HCAR1: variants seen among roughly 807,000 people sequenced by gnomAD.
HCAR1 encodes the protein G protein-coupled receptor 104.
For missense variants in HCAR1, 445 were observed against 448.7 expected, an observed-to-expected ratio of 0.99 and a Z score of 0.07; for synonymous variants, 183 against 182.1, an observed-to-expected ratio of 1.01 and a Z score of -0.04.
chr12:122,727,832 T>C lies in HCAR1; in HGVS notation c.*1467A>G, dbSNP rs1032066584. 11 of 152,140 alleles carry C rather than the reference T, an allele frequency of 7.2e-5. No individual in the cohort carries two copies. Among genetic ancestry groups the C allele is most frequent in the Admixed American group, 3.3e-4 (5 of 15,276 alleles). 9.4% of individuals were successfully genotyped at this position (152,140 alleles called of 1,614,324 possible). A position where few individuals can be genotyped will look rare whatever the true frequency, so the allele number is the denominator to read the frequency against. On this transcript the variant is annotated 3_prime_UTR_variant, in exon 1 of 1. Transcript: ENST00000432564. ...ATTTGAGAGAGTATAAATTAAGGAG[T>C]TGAGAACCATGTTCACCACTTTGTA...
Position 122,730,427 on chromosome 12 carries a change from C to T in HCAR1, c.-88G>A. 1 of 1,047,346 alleles carries T rather than the reference C, an allele frequency of 9.5e-7. No individual in the cohort carries two copies. The highest frequency in any genetic ancestry group is 1.8e-5 in the South Asian group (1 of 56,024). The allele number at this position is 1,047,346 out of a possible 1,614,324, so 64.9% of individuals were successfully genotyped here. Reference sequence around the variant, plus strand: ...TGCTTATCTGAGCGTTAGCACTCACCCAGCTGCTGCGTGTCTGACTTCATC... The same window carrying T: ...TGCTTATCTGAGCGTTAGCACTCACTCAGCTGCTGCGTGTCTGACTTCATC... On this transcript the variant is annotated 5_prime_UTR_variant, in exon 1 of 1. Coordinates refer to ENST00000432564, the MANE Select transcript of HCAR1 (RefSeq NM_032554.4).
rs1877826676 is a variant in HCAR1, at chr12:122,727,589, T to C, written c.*1710A>G. On this transcript the variant is annotated 3_prime_UTR_variant, in exon 1 of 1. Coordinates refer to ENST00000432564, the MANE Select transcript of HCAR1 (RefSeq NM_032554.4). ...TTCAAGTGATTCTCCTGCCTCAGCC[T>C]CCCGAATAGCTGGGATTATAGGCAT... The C allele has an allele frequency of 6.6e-6, 1 of 152,052 alleles. No individual in the cohort carries two copies. Among genetic ancestry groups the C allele is most frequent in the African/African-American group, 2.4e-5 (1 of 41,388 alleles). 9.4% of individuals were successfully genotyped at this position (152,052 alleles called of 1,614,324 possible).
At position 122,730,144 on chromosome 12, in the gene HCAR1, T is replaced by A; in HGVS notation, c.196A>T (p.Ile66Phe). The A allele has an allele frequency of 6.2e-7, 1 of 1,614,038 alleles. No homozygotes were observed. The highest frequency in any genetic ancestry group is 8.5e-7 in the Non-Finnish European group (1 of 1,180,018). Residue 66 changes from isoleucine to phenylalanine, a missense_variant, in exon 1 of 1, where the codon ATC becomes TTC. Ile to Phe is a conservative substitution (Grantham distance 21, BLOSUM62 0). Coordinates refer to ENST00000432564, the MANE Select transcript of HCAR1 (RefSeq NM_032554.4). ...NLAVADFLLM[I>F]CLPFRTDYYL... ...TAGTCTGTCCGAAAAGGCAGGCAGA[T>A]CATAAGGAGGAAATCAGCCACGGCC...
At position 122,726,549 on chromosome 12, in the gene HCAR1, A is replaced by G. The variant is rs549132129; in HGVS notation, c.*2750T>C. On this transcript the variant is annotated 3_prime_UTR_variant, in exon 1 of 1. Coordinates refer to ENST00000432564, the MANE Select transcript of HCAR1 (RefSeq NM_032554.4). Reference sequence around the variant, plus strand: ...ACATTCATTTAAACTGCCCAATGACACACTGAGGTTGTATTACAGTATCCC... The same window carrying G: ...ACATTCATTTAAACTGCCCAATGACGCACTGAGGTTGTATTACAGTATCCC... The G allele has an allele frequency of 3.5e-4, 53 of 152,286 alleles. No homozygotes were observed. Among genetic ancestry groups the G allele is most frequent in the African/African-American group, 1.3e-3 (53 of 41,554 alleles). The allele number at this position is 152,286 out of a possible 1,614,324, so 9.4% of individuals were successfully genotyped here.
Position 122,730,202 on chromosome 12 carries a change from G to C in HCAR1, c.138C>G (p.Thr46=), listed in dbSNP as rs566634910. 9.3e-6 allele frequency: 15 copies of C among 1,614,202 alleles called. No homozygotes were observed. Among genetic ancestry groups the C allele is most frequent in the Middle Eastern group, 1.6e-4 (1 of 6,062 alleles). The part of the protein sequence containing the change: ...ALCGFCFHMK[T]WKPSTVYLFN... The stretch of plus-strand genomic sequence containing the variant: ...AAAGGTAAACAGTGCTGGGCTTCCA[G>C]GTCTTCATGTGGAAGCAGAAACCAC... The change falls in exon 1 of 1, where the codon ACC becomes ACG. Residue 46 remains threonine (T), a synonymous_variant. Coordinates refer to ENST00000432564, the MANE Select transcript of HCAR1 (RefSeq NM_032554.4).
In HCAR1 at chr12:122,726,678, C is replaced by A. The variant is rs1432754175; in HGVS notation, c.*2621G>T. 1 of 151,832 alleles carries A rather than the reference C, an allele frequency of 6.6e-6. No individual in the cohort carries two copies. Among genetic ancestry groups the A allele is most frequent in the Admixed American group, 6.6e-5 (1 of 15,228 alleles). 9.4% of individuals were successfully genotyped at this position (151,832 alleles called of 1,614,324 possible). ...CCTGTAATCCAAGCACTTTGGGAGG[C>A]CGAGGCAGGCGGATCACAAGTCAGG... On this transcript the variant is annotated 3_prime_UTR_variant, in exon 1 of 1. Coordinates refer to ENST00000432564, the MANE Select transcript of HCAR1 (RefSeq NM_032554.4).
chr12:122,730,209 A>G lies in HCAR1; in HGVS notation c.131T>C (p.Met44Thr). Residue 44 changes from methionine to threonine, a missense_variant, in exon 1 of 1, where the codon ATG becomes ACG. Physicochemically the swap from Met to Thr is moderately conservative, Grantham distance 81. Transcript: ENST00000432564. ...GVALCGFCFH[M>T]KTWKPSTVYL... ...AACAGTGCTGGGCTTCCAGGTCTTC[A>G]TGTGGAAGCAGAAACCACACAGGGC... 1 of 1,614,204 alleles carries G rather than the reference A, an allele frequency of 6.2e-7. No homozygotes were observed. Among genetic ancestry groups the G allele is most frequent in the Non-Finnish European group, 8.5e-7 (1 of 1,180,034 alleles).
chr12:122,726,544 A>G lies in HCAR1; in HGVS notation c.*2755T>C, dbSNP rs1344844569. On this transcript the variant is annotated 3_prime_UTR_variant, in exon 1 of 1. Transcript: ENST00000432564. ...AATGTACATTCATTTAAACTGCCCA[A>G]TGACACACTGAGGTTGTATTACAGT... is the stretch of plus-strand genomic sequence containing the variant. 2 of 152,184 alleles carry G rather than the reference A, an allele frequency of 1.3e-5. No homozygotes were observed. Among genetic ancestry groups the G allele is most frequent in the Non-Finnish European group, 2.9e-5 (2 of 68,030 alleles). The allele number at this position is 152,184 out of a possible 1,614,324, so 9.4% of individuals were successfully genotyped here. A position where few individuals can be genotyped will look rare whatever the true frequency, so the allele number is the denominator to read the frequency against.
In HCAR1 at chr12:122,729,207, A is replaced by C; in HGVS notation, c.*92T>G. 8.7e-7 allele frequency: 1 copy of C among 1,145,934 alleles called. No homozygotes were observed. Among genetic ancestry groups the C allele is most frequent in the Non-Finnish European group, 1.3e-6 (1 of 792,896 alleles). 71.0% of individuals were successfully genotyped at this position (1,145,934 alleles called of 1,614,324 possible). A position where few individuals can be genotyped will look rare whatever the true frequency, so the allele number is the denominator to read the frequency against. ...GCGAGAAGCCGTCTTGCAATAAGAA[A>C]GGGGGGTGGCATTTTCAAAGCCCCC... On this transcript the variant is annotated 3_prime_UTR_variant, in exon 1 of 1. Coordinates refer to ENST00000432564, the MANE Select transcript of HCAR1 (RefSeq NM_032554.4).
At position 122,726,854 on chromosome 12, in the gene HCAR1, A is replaced by G. The variant is rs10773516; in HGVS notation, c.*2445T>C. 37,842 of 150,070 alleles carry G rather than the reference A, an allele frequency of 0.25. 5,620 individuals are homozygous for G. Among genetic ancestry groups the G allele is most frequent in the Non-Finnish European group, 0.34 (22,843 of 67,722 alleles). The allele number at this position is 150,070 out of a possible 1,614,324, so 9.3% of individuals were successfully genotyped here. A position where few individuals can be genotyped will look rare whatever the true frequency, so the allele number is the denominator to read the frequency against. ...CGTGGACCCAGGAGGCAGAGCTTGC[A>G]GTGAGCTGAGATTGGGCCACTGTAC... On this transcript the variant is annotated 3_prime_UTR_variant, in exon 1 of 1. Coordinates refer to ENST00000432564, the MANE Select transcript of HCAR1 (RefSeq NM_032554.4).
At position 122,727,537 on chromosome 12, in the gene HCAR1, A is replaced by T. The variant is rs1877824743; in HGVS notation, c.*1762T>A. Reference sequence around the variant, plus strand: ...GTCTGGAGTGCAATGGCACGATGTCACCTCACCGCAACCTCCACCTCCTCG... The same window carrying T: ...GTCTGGAGTGCAATGGCACGATGTCTCCTCACCGCAACCTCCACCTCCTCG... On this transcript the variant is annotated 3_prime_UTR_variant, in exon 1 of 1. Coordinates refer to ENST00000432564, the MANE Select transcript of HCAR1 (RefSeq NM_032554.4). 1 of 151,206 alleles carries T rather than the reference A, an allele frequency of 6.6e-6. No homozygotes were observed. The highest frequency in any genetic ancestry group is 2.4e-5 in the African/African-American group (1 of 41,030). The allele number at this position is 151,206 out of a possible 1,614,324, so 9.4% of individuals were successfully genotyped here. A position where few individuals can be genotyped will look rare whatever the true frequency, so the allele number is the denominator to read the frequency against.
At position 122,730,369 on chromosome 12, in the gene HCAR1, G is replaced by A. The variant is rs752343254; in HGVS notation, c.-30C>T. ...GGGACAGAGCAAGTGTCCGGGTGCA[G>A]AGCAGCCCAGGGAGTCCCCACAATG... is the stretch of plus-strand genomic sequence containing the variant. On this transcript the variant is annotated 5_prime_UTR_variant, in exon 1 of 1. Coordinates refer to ENST00000432564, the MANE Select transcript of HCAR1 (RefSeq NM_032554.4). 27 of 1,519,032 alleles carry A rather than the reference G, an allele frequency of 1.8e-5. No homozygotes were observed. Among genetic ancestry groups the A allele is most frequent in the Non-Finnish European group, 2.4e-5 (27 of 1,129,686 alleles). 94.1% of individuals were successfully genotyped at this position (1,519,032 alleles called of 1,614,324 possible). A position where few individuals can be genotyped will look rare whatever the true frequency, so the allele number is the denominator to read the frequency against.
Position 122,730,368 on chromosome 12 carries a change from A to C in HCAR1, c.-29T>G. 2 of 1,519,182 alleles carry C rather than the reference A, an allele frequency of 1.3e-6. No homozygotes were observed. Among genetic ancestry groups the C allele is most frequent in the Non-Finnish European group, 1.8e-6 (2 of 1,129,638 alleles). The allele number at this position is 1,519,182 out of a possible 1,614,324, so 94.1% of individuals were successfully genotyped here. A position where few individuals can be genotyped will look rare whatever the true frequency, so the allele number is the denominator to read the frequency against. ...GGGGACAGAGCAAGTGTCCGGGTGCAGAGCAGCCCAGGGAGTCCCCACAAT... is the reference window on the plus strand; with the variant it reads ...GGGGACAGAGCAAGTGTCCGGGTGCCGAGCAGCCCAGGGAGTCCCCACAAT... On this transcript the variant is annotated 5_prime_UTR_variant, in exon 1 of 1. Coordinates refer to ENST00000432564, the MANE Select transcript of HCAR1 (RefSeq NM_032554.4).
In HCAR1 at chr12:122,729,472, T is replaced by G. The variant is rs1009767386; in HGVS notation, c.868A>C (p.Asn290His). ...FSSPSFPKFY[N>H]KLKICSLKPK... The stretch of plus-strand genomic sequence containing the variant: ...TTCAGACTGCAGATTTTGAGCTTGT[T>G]GTAGAATTTGGGAAAGGAGGGGCTT... The change falls in exon 1 of 1, where the codon AAC becomes CAC. Residue 290 changes from asparagine (N) to histidine (H), a missense_variant. Coordinates refer to ENST00000432564, the MANE Select transcript of HCAR1 (RefSeq NM_032554.4). 1.2e-6 allele frequency: 2 copies of G among 1,613,956 alleles called. No individual in the cohort carries two copies. Among genetic ancestry groups the G allele is most frequent in the Admixed American group, 3.3e-5 (2 of 59,972 alleles).
In HCAR1 at chr12:122,730,033, T is replaced by A. The variant is rs1255873920; in HGVS notation, c.307A>T (p.Ile103Phe). ...GCAGCCACCACCGTAAGGAACACGA[T>A]GCTCCCGGCCCTGTTCATGGCCAAC... Reference protein sequence around the residue: ...FTLAMNRAGSIVFLTVVAADR... With the variant: ...FTLAMNRAGSFVFLTVVAADR... Residue 103 changes from isoleucine to phenylalanine, a missense_variant, in exon 1 of 1, where the codon ATC becomes TTC. Coordinates refer to ENST00000432564, the MANE Select transcript of HCAR1 (RefSeq NM_032554.4). 1.3e-5 allele frequency: 21 copies of A among 1,614,010 alleles called. No homozygotes were observed. Among genetic ancestry groups the A allele is most frequent in the African/African-American group, 2.7e-5 (2 of 74,932 alleles).
At position 122,730,292 on chromosome 12, in the gene HCAR1, C is replaced by A. The variant is rs1877914178; in HGVS notation, c.48G>T (p.Gln16His). ...CCACAATGAGCAGCGGCGGCATCAC[C>A]TGGGAGATGGTGTCCCCCTCGATGC... The part of the protein sequence containing the change: ...CCRIEGDTIS[Q>H]VMPPLLIVAF... The change falls in exon 1 of 1, where the codon CAG becomes CAT. Residue 16 changes from glutamine to histidine, a missense_variant. Coordinates refer to ENST00000432564, the MANE Select transcript of HCAR1 (RefSeq NM_032554.4). The A allele has an allele frequency of 1.2e-6, 2 of 1,601,756 alleles. No homozygotes were observed. The highest frequency in any genetic ancestry group is 1.7e-5 in the Admixed American group (1 of 58,630).
chr12:122,727,143 G>T lies in HCAR1; in HGVS notation c.*2156C>A, dbSNP rs1877814292. ...AAAATTTAAAAATTAGCTGAGTGTG[G>T]TGGCTTATGCCTGTACTCCCAGCTA... On this transcript the variant is annotated 3_prime_UTR_variant, in exon 1 of 1. Transcript: ENST00000432564. The T allele has an allele frequency of 6.6e-6, 1 of 151,946 alleles. No homozygotes were observed. Among genetic ancestry groups the T allele is most frequent in the African/African-American group, 2.4e-5 (1 of 41,346 alleles). The allele number at this position is 151,946 out of a possible 1,614,324, so 9.4% of individuals were successfully genotyped here. A position where few individuals can be genotyped will look rare whatever the true frequency, so the allele number is the denominator to read the frequency against.
In HCAR1 at chr12:122,729,661, T is replaced by C. The variant is rs1162407602; in HGVS notation, c.679A>G (p.Ile227Val). 1 of 1,613,910 alleles carries C rather than the reference T, an allele frequency of 6.2e-7. No homozygotes were observed. The highest frequency in any genetic ancestry group is 8.5e-7 in the Non-Finnish European group (1 of 1,180,024). Residue 227 changes from isoleucine to valine, a missense_variant, in exon 1 of 1, where the codon ATT becomes GTT. Ile to Val is a conservative substitution (Grantham distance 29). Transcript: ENST00000432564. ...GGCAGGTAGCATGTGATGAACACAA[T>C]TGCCACCACCATGATGAACCGGGTC... ...KATRFIMVVA[I>V]VFITCYLPSV...
In HCAR1 at chr12:122,729,389, G is replaced by A. The variant is rs770790032; in HGVS notation, c.951C>T (p.Asn317=). The stretch of plus-strand genomic sequence containing the variant: ...CACTGATGCAACTCCTGCGACCGAG[G>A]TTCGAAATTGGCATCTCTTCCGGCC... ...TQRPEEMPIS[N]LGRRSCISVA... The change falls in exon 1 of 1, where the codon AAC becomes AAT. Residue 317 remains asparagine (N), a synonymous_variant. Coordinates refer to ENST00000432564, the MANE Select transcript of HCAR1 (RefSeq NM_032554.4). The A allele has an allele frequency of 4.3e-6, 7 of 1,614,150 alleles. No individual in the cohort carries two copies. The South Asian group carries it at 6.6e-5, about 15-fold the overall frequency.
Sources: gnomAD v4.1 joint callset for allele counts on GRCh38, gnomAD v4.1.1 for gene constraint, MANE v1.5 for transcripts, NCBI Gene and HGNC (gene_info 2026-07-23, HGNC 2026-07-21) for gene names.